The following NUDT3 variants were observed in gnomAD, a reference collection of about 807,000 sequenced individuals.
The protein encoded by NUDT3 is diphosphoinositol polyphosphate phosphohydrolase 1.
NUDT3 carries 9 observed loss-of-function variants against 23.6 expected under a neutral mutation model. The observed-to-expected ratio is 0.38, with a 90% CI of 0.23 to 0.66. NUDT3 has a LOEUF of 0.66. NUDT3 is among the 30% of genes least tolerant of loss of function. The pLI, the probability that NUDT3 is intolerant of heterozygous loss-of-function variation, is 0.52. For missense variants in NUDT3, 172 were observed against 218.5 expected (o/e 0.79, Z 1.34); for synonymous variants, 86 against 82.6 (o/e 1.04, Z -0.22).
At chr6:34,387,261 A>G (rs1765121605) in intron 1 of NUDT3, among the ~76,000 whole-genome samples, 1 of 151,956 alleles carries the variant, frequency 6.6e-6, no homozygotes, top group Non-Finnish European at 1.5e-5. Flanking sequence ...AGTTAATTGT[A>G]AAACAGTCTC....
intron 1 of NUDT3, among the ~76,000 whole-genome samples, chr6:34,366,854 A>G (rs1364084043): frequency 1.3e-5 from 2 of 152,072 alleles, no homozygotes; most frequent in African/African-American, 2.4e-5. Flanking sequence ...TTAAATACCT[A>G]AAGTTGTGCA....
intron 3 of NUDT3, 40 bp from the exon 4 acceptor site, chr6:34,293,575 T>C: frequency 6.2e-7 from 1 of 1,612,016 alleles, no homozygotes; most frequent in Non-Finnish European, 8.5e-7. Context: ...AGTTTTTCCT[T>C]AGAAAGCTGG....
chr6:34,387,357 T>G (rs551498840), intron 1 of NUDT3, among the ~76,000 whole-genome samples: 11 of 152,054 alleles, frequency 7.2e-5, no homozygotes, highest in Admixed American at 1.3e-4. Context: ...GATGTGGAGG[T>G]GGAAGACAGT....
rs1312523453 is a variant in NUDT3 at position 34,288,272 on chromosome 6, G to C, written c.*481C>G. On this transcript the variant is annotated 3_prime_UTR_variant, in exon 5 of 5. Coordinates refer to ENST00000607016, the MANE Select transcript of NUDT3 (RefSeq NM_006703.4). ...TTATATGTCCGATATATAATGTGTA[G>C]ATAAATGTATACTGCAGTGAAAGTG... is the stretch of plus-strand genomic sequence containing the variant. 4 of 152,348 alleles carry C rather than the reference G, an allele frequency of 2.6e-5. No homozygotes were observed. Among genetic ancestry groups the C allele is most frequent in the African/African-American group, 9.7e-5 (4 of 41,418 alleles). 9.4% of individuals were successfully genotyped at this position (152,348 alleles called of 1,614,324 possible).
chr6:34,314,346 T>A (rs56309550), intron 2 of NUDT3, among the ~76,000 whole-genome samples: 14,326 of 149,046 alleles, frequency 0.096, 785 homozygotes, highest in Non-Finnish European at 0.12. Context: ...TGAGGTCAGC[T>A]GTTTGAAACC....
At chr6:34,292,659 C>T (rs549136240) in intron 4 of NUDT3, among the ~76,000 whole-genome samples, 4 of 151,602 alleles carry the variant, frequency 2.6e-5, no homozygotes, top group Non-Finnish European at 4.4e-5. Flanking sequence ...AAGAATAAAA[C>T]TAGAAACCAC....
intron 2 of NUDT3, among the ~76,000 whole-genome samples, chr6:34,325,818 G>A (rs1023636420): frequency 5.3e-5 from 8 of 152,156 alleles, no homozygotes; most frequent in East Asian, 1.9e-4. Flanking sequence ...ATAAAGACAC[G>A]GTAGTGCTGA....
At chr6:34,382,417 C>T (rs1320388305) in intron 1 of NUDT3, among the ~76,000 whole-genome samples, 1 of 151,978 alleles carries the variant, frequency 6.6e-6, no homozygotes, top group Non-Finnish European at 1.5e-5. Flanking sequence ...CACAAACAAA[C>T]AAATTTCAAA....
chr6:34,379,960 T>C (rs1321023269), intron 1 of NUDT3, among the ~76,000 whole-genome samples: 1 of 151,278 alleles, frequency 6.6e-6, no homozygotes, highest in African/African-American at 2.4e-5. Flanking sequence ...CAAGCTGAGA[T>C]CGAGCCATTA....
chr6:34,371,118 GA>G (rs201329501), intron 1 of NUDT3, among the ~76,000 whole-genome samples: 12 of 136,368 alleles, frequency 8.8e-5, no homozygotes, highest in South Asian at 4.7e-4. Flanking sequence ...CTCAAAAAAA[GA>G]AAAAAAAAAG....
At chr6:34,373,406 G>C (rs1483631785) in intron 1 of NUDT3, among the ~76,000 whole-genome samples, 1 of 152,044 alleles carries the variant, frequency 6.6e-6, no homozygotes, top group Non-Finnish European at 1.5e-5. Flanking sequence ...GTTTTGGGGG[G>C]AAACTAGAGG....
At chr6:34,297,718 T>TAAAAAAAAAA (rs200099331) in intron 2 of NUDT3, among the ~76,000 whole-genome samples, 1 of 78,796 alleles carries the variant, frequency 1.3e-5, no homozygotes, top group African/African-American at 4.8e-5. Flanking sequence ...CCGGCTAATG[T>TAAAAAAAAAA]AAAAAAAAAA....
chr6:34,377,798 A>G (rs1764948867), intron 1 of NUDT3, among the ~76,000 whole-genome samples: 1 of 145,838 alleles, frequency 6.9e-6, no homozygotes, highest in Non-Finnish European at 1.5e-5. Flanking sequence ...ACACCACTGC[A>G]CTCCAGCCTG....
chr6:34,356,402 G>A (rs1168446012), intron 1 of NUDT3, among the ~76,000 whole-genome samples: 1 of 151,690 alleles, frequency 6.6e-6, no homozygotes. Context: ...TTCCTGATAC[G>A]GCTGATTCCA....
At chr6:34,306,463 A>G (rs1763679774) in intron 2 of NUDT3, among the ~76,000 whole-genome samples, 1 of 152,240 alleles carries the variant, frequency 6.6e-6, no homozygotes, top group Non-Finnish European at 1.5e-5. Flanking sequence ...TGCTGAAACC[A>G]CTGTTAATTA....
At chr6:34,375,160 C>T (rs996611019) in intron 1 of NUDT3, among the ~76,000 whole-genome samples, 8 of 152,066 alleles carry the variant, frequency 5.3e-5, no homozygotes, top group Non-Finnish European at 7.4e-5. Flanking sequence ...CTGACCAACA[C>T]GGTGAAACCC....
At chr6:34,332,143 A>G (rs1164807599) in intron 2 of NUDT3, among the ~76,000 whole-genome samples, 2 of 152,122 alleles carry the variant, frequency 1.3e-5, no homozygotes, top group Non-Finnish European at 2.9e-5. Context: ...CGGTGGGTAT[A>G]TAATTTTTGA....
At chr6:34,330,724 C>A (rs1764114369) in intron 2 of NUDT3, among the ~76,000 whole-genome samples, 1 of 152,024 alleles carries the variant, frequency 6.6e-6, no homozygotes, top group Non-Finnish European at 1.5e-5. Context: ...TCACTTGAGC[C>A]AGGGAGGTGG....
At chr6:34,330,000 T>C (rs1764103926) in intron 2 of NUDT3, among the ~76,000 whole-genome samples, 1 of 152,350 alleles carries the variant, frequency 6.6e-6, no homozygotes, top group East Asian at 1.9e-4. Context: ...TATGGCTGCA[T>C]AGTATTCCAC....
Sources: gnomAD v4.1 joint callset for allele counts (sites outside exome capture counted in the v4.1 genomes callset) on GRCh38, gnomAD v4.1.1 for gene constraint, MANE v1.5 for transcripts, NCBI Gene and HGNC (gene_info 2026-07-23, HGNC 2026-07-21) for gene names.